DOT1L: variants seen among roughly 807,000 people sequenced by gnomAD.
DOT1L encodes the protein DOT1 like histone lysine methyltransferase, also known as histone-lysine N-methyltransferase, H3 lysine-79 specific.
DOT1L carries 33 observed loss-of-function variants against 153.3 expected under a neutral mutation model. That is an observed-to-expected ratio of 0.22 (90% CI 0.16 to 0.29). The LOEUF (loss-of-function observed/expected upper bound fraction) is 0.29. Among genes scored for constraint, DOT1L ranks in the 10% least tolerant of loss-of-function variants. The pLI is 1.00. For missense variants in DOT1L, 1,847 were observed against 2,119.9 expected (o/e 0.87, Z 2.53); for synonymous variants, 1,135 against 965.1 (o/e 1.18, Z -3.26).
Position 2,210,649 on chromosome 19 carries a change from G to A in DOT1L, c.1145G>A (p.Gly382Glu), listed in dbSNP as rs2144830872. The A allele has an allele frequency of 6.2e-7, 1 of 1,612,808 alleles. No individual in the cohort carries two copies. Among genetic ancestry groups the A allele is most frequent in the Non-Finnish European group, 8.5e-7 (1 of 1,179,846 alleles). The change falls in exon 14 of 28, where the codon GGA becomes GAA. Residue 382 changes from glycine (G) to glutamate (E), a missense_variant. By Grantham distance (98) the Gly-to-Glu change is moderately conservative (BLOSUM62 -2). Coordinates refer to ENST00000398665, the MANE Select transcript of DOT1L (RefSeq NM_032482.3). Reference protein sequence around the residue: ...MDSGAEEEKAGAATVKKPSPS... With the variant: ...MDSGAEEEKAEAATVKKPSPS... The stretch of plus-strand genomic sequence containing the variant: ...TCTGGTGCTGAGGAAGAGAAGGCGG[G>A]AGCAGCCACCGTGAAGAAGCCGTCT...
rs202143585 is a variant in DOT1L, at chr19:2,226,286, G to T, written c.3765G>T (p.Lys1255Asn). 4.7e-4 allele frequency: 747 copies of T among 1,598,932 alleles called. 6 individuals carry two copies. The Admixed American group carries it at 0.012, about 25-fold the overall frequency. The change falls in exon 27 of 28, where the codon AAG becomes AAT. Residue 1255 changes from lysine (K) to asparagine (N), a missense_variant. Physicochemically the swap from Lys to Asn is moderately conservative, Grantham distance 94 (BLOSUM62 0). This residue lies in a region of DOT1L where 934 missense variants were observed against 825.3 expected (regional missense o/e 1.13). Transcript: ENST00000398665. Reference protein sequence around the residue: ...FSPISDIGLAKSADSPLQASS... With the variant: ...FSPISDIGLANSADSPLQASS... ...CCATCTCCGACATCGGCCTGGCCAA[G>T]TCGGCGGACAGCCCGCTGCAGGCCA...
At chr19:2,171,796 C>T (rs896509521) in intron 1 of DOT1L, among the ~76,000 whole-genome samples, 2 of 152,128 alleles carry the variant, frequency 1.3e-5, no homozygotes, top group Non-Finnish European at 2.9e-5. Flanking sequence ...GTGAAGTTAG[C>T]GTAATGGGAG....
At chr19:2,170,425 AGGACCCAACAC>A (rs1453722534) in intron 1 of DOT1L, among the ~76,000 whole-genome samples, 4 of 152,154 alleles carry the variant, frequency 2.6e-5, no homozygotes, top group African/African-American at 9.7e-5. Flanking sequence ...AGGTGTAGGA[AGGACCCAACAC>A]GGTTCCTCCT....
Position 2,214,724 on chromosome 19 carries a change from G to C in DOT1L, c.1923+128G>C, listed in dbSNP as rs1451908493. On this transcript the variant is annotated intron_variant, in intron 19 of 27. Coordinates refer to ENST00000398665, the MANE Select transcript of DOT1L (RefSeq NM_032482.3). ...GAAGAAGGTGGAGGAGGACAGTTGG[G>C]TGGAGGCTTATGGAACCTTCTGTCT... 43 of 1,389,006 alleles carry C rather than the reference G, an allele frequency of 3.1e-5. 1 individual carries two copies. The East Asian group carries it at 1.1e-3, about 36-fold the overall frequency. The allele number at this position is 1,389,006 out of a possible 1,614,324, so 86.0% of individuals were successfully genotyped here. A position where few individuals can be genotyped will look rare whatever the true frequency, so the allele number is the denominator to read the frequency against.
In DOT1L at chr19:2,230,433, C is replaced by T. The variant is rs577901763; in HGVS notation, c.*641C>T. ...TGTTCACCCTCCGGGGCGTGGGTTG[C>T]GCCCTTGCATGTGAAGGGGCCTGCG... On this transcript the variant is annotated 3_prime_UTR_variant, in exon 28 of 28. Transcript: ENST00000398665. 3.4e-4 allele frequency: 136 copies of T among 399,970 alleles called. No individual in the cohort carries two copies. Among genetic ancestry groups the T allele is most frequent in the African/African-American group, 2.6e-3 (125 of 48,776 alleles). 24.8% of individuals were successfully genotyped at this position (399,970 alleles called of 1,614,324 possible). A position where few individuals can be genotyped will look rare whatever the true frequency, so the allele number is the denominator to read the frequency against.
intron 1 of DOT1L, among the ~76,000 whole-genome samples, chr19:2,171,722 C>T (rs2021638225): frequency 1.3e-5 from 2 of 152,194 alleles, no homozygotes; most frequent in South Asian, 2.1e-4. Flanking sequence ...CAGGCCCTGG[C>T]CAAGATCCAG....
At chr19:2,188,492 C>T (rs757174519) in intron 3 of DOT1L, among the ~76,000 whole-genome samples, 5,671 of 131,442 alleles carry the variant, frequency 0.043, 334 homozygotes, top group East Asian at 0.13. Flanking sequence ...CCCCCCCCCC[C>T]CCACCCGCAC....
At chr19:2,164,394 T>A in intron 1 of DOT1L, 129 bp downstream of exon 1, 1 of 545,124 alleles carries the variant, frequency 1.8e-6, no homozygotes. Flanking sequence ...GACTCCACTG[T>A]CGCTGCTCCA....
intron 1 of DOT1L, among the ~76,000 whole-genome samples, chr19:2,167,687 T>A (rs1469468936): frequency 2.0e-5 from 3 of 152,186 alleles, no homozygotes; most frequent in Non-Finnish European, 4.4e-5. Flanking sequence ...TGAGGAATTT[T>A]GCTTTCTCAC....
chr19:2,187,834 A>G (rs2022596406), intron 3 of DOT1L, among the ~76,000 whole-genome samples: 1 of 150,868 alleles, frequency 6.6e-6, no homozygotes, highest in South Asian at 2.1e-4. Flanking sequence ...AGGCAGGAGA[A>G]TGGTGTGAAC....
intron 1 of DOT1L, among the ~76,000 whole-genome samples, chr19:2,171,297 C>G (rs949551407): frequency 2.6e-5 from 4 of 152,180 alleles, no homozygotes; most frequent in African/African-American, 9.7e-5. Flanking sequence ...ACTGGCAGAG[C>G]CTTTTACCTG....
rs1249087788 is a variant in DOT1L, at chr19:2,190,184, C to T, written c.264+389C>T. On this transcript the variant is annotated intron_variant, in intron 4 of 27. Coordinates refer to ENST00000398665, the MANE Select transcript of DOT1L (RefSeq NM_032482.3). The surrounding 1 kb of genome is among the most constrained non-coding windows in gnomAD (Gnocchi z 4.8). Reference sequence around the variant, plus strand: ...CCCCACACCGCCTGCCTTCATCAGGCTGGATGCCGGCCTGGGCTGCACCCT... The same window carrying T: ...CCCCACACCGCCTGCCTTCATCAGGTTGGATGCCGGCCTGGGCTGCACCCT... Among the ~76,000 whole-genome samples the T allele has an allele frequency of 6.6e-6, 1 of 152,136 alleles. No individual in the cohort carries two copies. Among genetic ancestry groups the T allele is most frequent in the Non-Finnish European group, 1.5e-5 (1 of 68,016 alleles).
chr19:2,165,294 G>A (rs995947318), intron 1 of DOT1L, among the ~76,000 whole-genome samples: 3 of 143,796 alleles, frequency 2.1e-5, no homozygotes, highest in African/African-American at 7.7e-5. Context: ...GCGCGCGCTG[G>A]GCTTGTGTCA....
At chr19:2,189,547 A>G (rs1241116541) in intron 3 of DOT1L, among the ~76,000 whole-genome samples, 185 bp from the exon 4 acceptor site, 2 of 152,188 alleles carry the variant, frequency 1.3e-5, no homozygotes, top group East Asian at 3.9e-4. Flanking sequence ...CTTGTGTGTC[A>G]AACCTGAAAT....
chr19:2,201,130 G>A (rs1349149586), intron 8 of DOT1L, among the ~76,000 whole-genome samples: 6 of 98,124 alleles, frequency 6.1e-5, no homozygotes, highest in African/African-American at 8.2e-5. Context: ...CGCATTCCTC[G>A]TCCTCCCCGC....
At position 2,208,477 on chromosome 19, in the gene DOT1L, C is replaced by T. The variant is rs182763773; in HGVS notation, c.964-458C>T. Among the ~76,000 whole-genome samples, 52 of 152,288 alleles carry T rather than the reference C, an allele frequency of 3.4e-4. 1 individual carries two copies. The highest frequency in any genetic ancestry group is 1.1e-3 in the African/African-American group (46 of 41,572). ...CACTGCTCCCCCGAGGGCCCTGGGA[C>T]GAGAGGCATGGTGAGCTGAGGCTGA... On this transcript the variant is annotated intron_variant, in intron 11 of 27. Coordinates refer to ENST00000398665, the MANE Select transcript of DOT1L (RefSeq NM_032482.3). This position sits in a 1 kb window ranked among gnomAD's most constrained non-coding sequence, Gnocchi z 4.4.
chr19:2,211,566 G>A (rs1470893786), intron 15 of DOT1L, among the ~76,000 whole-genome samples, 185 bp from the exon 16 acceptor site: 1 of 152,228 alleles, frequency 6.6e-6, no homozygotes, highest in African/African-American at 2.4e-5. Context: ...GCAGGGGTCA[G>A]AGGGCCTGAG....
intron 27 of DOT1L, 164 bp from the exon 28 acceptor site, chr19:2,229,621 T>C: frequency 1.0e-6 from 1 of 985,342 alleles, no homozygotes; most frequent in Non-Finnish European, 1.2e-6. Context: ...GGCACGCCCG[T>C]CGTCTGTTGT....
At position 2,213,864 on chromosome 19, in the gene DOT1L, C is replaced by T. The variant is rs1344456211; in HGVS notation, c.1675C>T (p.Leu559=). The change falls in exon 18 of 28, where the codon CTG becomes TTG. Residue 559 remains leucine (L), a synonymous_variant. Transcript: ENST00000398665. ...QKLDELGVKA[L]TYNDLIQAQK... is the part of the protein sequence containing the mutation. ...ATGTCCCCAGCTGGGTGTGAAGGCGCTGACCTACAACGACCTGATTCAAGC... is the reference window on the plus strand; with the variant it reads ...ATGTCCCCAGCTGGGTGTGAAGGCGTTGACCTACAACGACCTGATTCAAGC... The T allele has an allele frequency of 6.2e-7, 1 of 1,613,162 alleles. No homozygotes were observed.
Sources: gnomAD v4.1 joint callset for allele counts (sites outside exome capture counted in the v4.1 genomes callset) on GRCh38, gnomAD v4.1.1 for gene constraint, gnomAD v4.1.1 regional missense constraint, Gnocchi (gnomAD v3.1) non-coding constraint, MANE v1.5 for transcripts, NCBI Gene and HGNC (gene_info 2026-07-23, HGNC 2026-07-21) for gene names.